Variants in SEZ6L observed in about 807,000 individuals in gnomAD.
The protein encoded by SEZ6L is seizure 6-like protein.
SEZ6L carries 37 observed loss-of-function variants against 106.2 expected under a neutral mutation model. That is an observed-to-expected ratio of 0.35 (90% CI 0.27 to 0.46). The LOEUF is 0.46. SEZ6L is among the 20% of genes least tolerant of loss of function. The pLI, the probability that SEZ6L is intolerant of heterozygous loss-of-function variation, is 1.00. For missense variants in SEZ6L, 1,172 were observed against 1,332.8 expected, an observed-to-expected ratio of 0.88 and a Z score of 1.88; for synonymous variants, 541 against 570.4, an observed-to-expected ratio of 0.95 and a Z score of 0.73.
chr22:26,255,583 C>T (rs713629), intron 1 of SEZ6L, among the ~76,000 whole-genome samples: 32,489 of 152,080 alleles, frequency 0.21, 4,053 homozygotes, highest in South Asian at 0.32. Context: ...TAATTTTTGC[C>T]GAGACAGAGG....
At chr22:26,341,073 A>G (rs749327009) in intron 10 of SEZ6L, among the ~76,000 whole-genome samples, 1 of 151,636 alleles carries the variant, frequency 6.6e-6, no homozygotes, top group African/African-American at 2.4e-5. Context: ...CTTCTCAAAC[A>G]TCGTCTTCAC....
intron 1 of SEZ6L, among the ~76,000 whole-genome samples, chr22:26,248,274 C>T (rs11704405): frequency 0.13 from 20,127 of 152,158 alleles, 1,723 homozygotes; most frequent in Middle Eastern, 0.24. Flanking sequence ...GGTGACATTC[C>T]TACCTCATAG....
At chr22:26,259,676 G>A (rs750936863) in intron 1 of SEZ6L, among the ~76,000 whole-genome samples, 13 of 152,204 alleles carry the variant, frequency 8.5e-5, no homozygotes, top group Non-Finnish European at 1.8e-4. Context: ...CATCCACCAC[G>A]TGAATAGCTC....
intron 1 of SEZ6L, among the ~76,000 whole-genome samples, chr22:26,239,174 T>C (rs2079038602): frequency 6.6e-6 from 1 of 152,118 alleles, no homozygotes; most frequent in South Asian, 2.1e-4. Flanking sequence ...CAGTGAGCCA[T>C]GATCGGGCCA....
At chr22:26,255,722 A>G (rs1466393992) in intron 1 of SEZ6L, among the ~76,000 whole-genome samples, 1 of 152,248 alleles carries the variant, frequency 6.6e-6, no homozygotes, top group Admixed American at 6.5e-5. Flanking sequence ...GCATCCCCAG[A>G]GGCAGGAGAG....
intron 1 of SEZ6L, among the ~76,000 whole-genome samples, chr22:26,227,403 A>T (rs532496543): frequency 0.014 from 2,193 of 152,152 alleles, 54 homozygotes; most frequent in African/African-American, 0.049. Context: ...TTAGTAACAT[A>T]ATAGGGCTTT....
At chr22:26,222,082 G>T (rs1213608312) in intron 1 of SEZ6L, among the ~76,000 whole-genome samples, 1 of 152,132 alleles carries the variant, frequency 6.6e-6, no homozygotes, top group Non-Finnish European at 1.5e-5. Context: ...ATCGCCTGGG[G>T]TGGCAGTGGG....
intron 1 of SEZ6L, among the ~76,000 whole-genome samples, chr22:26,240,144 G>A (rs1382205638): frequency 6.6e-6 from 1 of 151,198 alleles, no homozygotes; most frequent in Non-Finnish European, 1.5e-5. Flanking sequence ...CCTTGGGCTG[G>A]GCACATAGAG....
intron 14 of SEZ6L, among the ~76,000 whole-genome samples, chr22:26,374,844 A>G (rs548449609): frequency 1.7e-3 from 256 of 152,284 alleles, no homozygotes; most frequent in Middle Eastern, 6.8e-3. Flanking sequence ...AGTTCTTGCA[A>G]TTGCCACAGT....
intron 13 of SEZ6L, among the ~76,000 whole-genome samples, chr22:26,367,580 A>C (rs1236101330): frequency 6.6e-6 from 1 of 151,910 alleles, no homozygotes; most frequent in Non-Finnish European, 1.5e-5. Context: ...CTGGCCTCAA[A>C]CGATCCTCCC....
At chr22:26,232,408 C>T (rs2078830355) in intron 1 of SEZ6L, among the ~76,000 whole-genome samples, 1 of 149,296 alleles carries the variant, frequency 6.7e-6, no homozygotes, top group South Asian at 2.1e-4. Context: ...AGAGCCCAAA[C>T]TCTGGAAACA....
chr22:26,221,690 C>A (rs908946732), intron 1 of SEZ6L, among the ~76,000 whole-genome samples: 1 of 152,142 alleles, frequency 6.6e-6, no homozygotes, highest in African/African-American at 2.4e-5. Flanking sequence ...AAAGCACCAT[C>A]TCTCGTACCT....
At chr22:26,311,472 C>A (rs7285701) in intron 7 of SEZ6L, among the ~76,000 whole-genome samples, 2 of 152,270 alleles carry the variant, frequency 1.3e-5, no homozygotes, top group East Asian at 1.9e-4. Flanking sequence ...TCTGAAGTTA[C>A]GGGCCATGGG....
chr22:26,345,675 T>C (rs1211434742), intron 10 of SEZ6L, among the ~76,000 whole-genome samples: 2 of 152,104 alleles, frequency 1.3e-5, no homozygotes, highest in Non-Finnish European at 2.9e-5. Flanking sequence ...CATGATGAAA[T>C]CCCGGGAAAA....
chr22:26,352,227 C>T (rs2083305187), intron 12 of SEZ6L, among the ~76,000 whole-genome samples: 3 of 150,712 alleles, frequency 2.0e-5, no homozygotes, highest in South Asian at 2.1e-4. Context: ...ACAATGTTCA[C>T]AGTCATTGCA....
chr22:26,267,344 G>A lies in SEZ6L; in HGVS notation c.95-25062G>A, dbSNP rs73156880. The stretch of plus-strand genomic sequence containing the variant: ...CCAAAACGTGGGTTTTCAAAACACA[G>A]GAAAGTATCCAGGGGTTTGATATGG... On this transcript the variant is annotated intron_variant, in intron 1 of 16. Transcript: ENST00000248933. 4.7e-3 allele frequency among the ~76,000 whole-genome samples: 710 copies of A among 152,316 alleles called. 5 individuals carry two copies. The highest frequency in any genetic ancestry group is 0.01 in the Middle Eastern group (3 of 294).
At chr22:26,258,033 G>A (rs2079880130) in intron 1 of SEZ6L, among the ~76,000 whole-genome samples, 1 of 152,092 alleles carries the variant, frequency 6.6e-6, no homozygotes, top group South Asian at 2.1e-4. Flanking sequence ...TATCAAGATG[G>A]CCACGAGAGG....
intron 1 of SEZ6L, among the ~76,000 whole-genome samples, chr22:26,179,747 C>T (rs1458410652): frequency 1.3e-5 from 2 of 152,160 alleles, no homozygotes; most frequent in African/African-American, 4.8e-5. Flanking sequence ...TCTGCTTCTC[C>T]CCACGCATCT....
chr22:26,372,348 C>A (rs1339414607), intron 13 of SEZ6L, among the ~76,000 whole-genome samples: 1 of 152,170 alleles, frequency 6.6e-6, no homozygotes, highest in African/African-American at 2.4e-5. Flanking sequence ...TGGACATTCA[C>A]GCACTCTCAC....
Sources: gnomAD v4.1 joint callset for allele counts (sites outside exome capture counted in the v4.1 genomes callset) on GRCh38, gnomAD v4.1.1 for gene constraint, MANE v1.5 for transcripts, NCBI Gene and HGNC (gene_info 2026-07-23, HGNC 2026-07-21) for gene names.